TAFA3: variants seen among roughly 807,000 people sequenced by gnomAD.
TAFA3 encodes the protein chemokine-like protein TAFA-3.
In TAFA3, 17 loss-of-function variants were observed where a neutral mutation model predicts 20.7. The observed-to-expected ratio is 0.82, with a 90% CI of 0.56 to 1.23. TAFA3 has a LOEUF of 1.23. TAFA3 is among the 50% of genes most tolerant of loss of function. The pLI is 0.00. For synonymous variants in TAFA3, 74 were observed against 71.8 expected (o/e 1.03, Z -0.16); for missense variants, 174 against 172.8 (o/e 1.01, Z -0.04).
intron 5 of TAFA3, among the ~76,000 whole-genome samples, chr1:112,726,127 A>G (rs1675465339): frequency 6.6e-6 from 1 of 151,964 alleles, no homozygotes; most frequent in Non-Finnish European, 1.5e-5. Flanking sequence ...ACAGAGTGAG[A>G]CTCCATCTCA....
intron 5 of TAFA3, among the ~76,000 whole-genome samples, chr1:112,725,656 A>G (rs552196500): frequency 2.0e-5 from 3 of 151,892 alleles, no homozygotes; most frequent in Non-Finnish European, 4.4e-5. Context: ...TGCCTGCTCC[A>G]CAGAACAAGG....
At chr1:112,722,925 G>A in intron 3 of TAFA3, 91 bp from the exon 4 acceptor site, 2 of 1,474,138 alleles carry the variant, frequency 1.4e-6, no homozygotes, top group Non-Finnish European at 1.8e-6. Flanking sequence ...CCTCCCTGCA[G>A]CAGGGAGGAG....
intron 5 of TAFA3, among the ~76,000 whole-genome samples, chr1:112,725,648 C>T (rs1675453152): frequency 6.6e-6 from 1 of 151,928 alleles, no homozygotes; most frequent in African/African-American, 2.4e-5. Context: ...TGGTTTGCTG[C>T]CTGCTCCACA....
intron 2 of TAFA3, among the ~76,000 whole-genome samples, chr1:112,721,397 C>G (rs1057514240): frequency 2.6e-5 from 4 of 152,246 alleles, no homozygotes; most frequent in African/African-American, 4.8e-5. Context: ...AGTCATAGAT[C>G]ACTGCAGCCT....
At position 112,726,972 on chromosome 1, in the gene TAFA3, G is replaced by T. The variant is rs1354189786; in HGVS notation, c.*332G>T. ...CTTGATACCAGACTGCGGCTTCTGG[G>T]CCACATGCTATGGCATGATGGGGGT... On this transcript the variant is annotated 3_prime_UTR_variant, in exon 6 of 6. Transcript: ENST00000361886. 2.1e-5 allele frequency: 7 copies of T among 332,832 alleles called. No homozygotes were observed. Among genetic ancestry groups the T allele is most frequent in the Non-Finnish European group, 3.9e-5 (7 of 178,786 alleles). 20.6% of individuals were successfully genotyped at this position (332,832 alleles called of 1,614,324 possible).
In TAFA3 at chr1:112,725,402, A is replaced by AAC. The variant is rs1553192299; in HGVS notation, c.391-1226_391-1225insCA. ...AAATAAAAGTTGAAATATTAAAAAAAAAAAAAAAAAAAACATAGTCGAGAA... is the reference window on the plus strand; with the variant it reads ...AAATAAAAGTTGAAATATTAAAAAAAACAAAAAAAAAAAAACATAGTCGAGAA... On this transcript the variant is annotated intron_variant, in intron 5 of 5. Transcript: ENST00000361886. 7.0e-3 allele frequency among the ~76,000 whole-genome samples: 850 copies of AAC among 120,960 alleles called. 8 individuals carry two copies. The highest frequency in any genetic ancestry group is 0.025 in the African/African-American group (803 of 31,890). The allele number at this position is 120,960 out of a possible 152,430, so 79.4% of individuals were successfully genotyped here.
rs550588199 is a variant in TAFA3 at position 112,721,682 on chromosome 1, A to G, written c.-1-551A>G. Among the ~76,000 whole-genome samples the G allele has an allele frequency of 9.3e-4, 142 of 152,286 alleles. 1 individual carries two copies. The highest frequency in any genetic ancestry group is 3.4e-3 in the African/African-American group (140 of 41,556). ...TTTTCCCCCTTAACAGTGGATTATCACTGGAGATCACTGCATGTGTCAGGA... is the reference window on the plus strand; with the variant it reads ...TTTTCCCCCTTAACAGTGGATTATCGCTGGAGATCACTGCATGTGTCAGGA... On this transcript the variant is annotated intron_variant, in intron 2 of 5. Coordinates refer to ENST00000361886, the MANE Select transcript of TAFA3 (RefSeq NM_182759.3).
At chr1:112,719,975 G>T (rs908991457) in intron 1 of TAFA3, among the ~76,000 whole-genome samples, 3 of 152,210 alleles carry the variant, frequency 2.0e-5, no homozygotes, top group African/African-American at 7.2e-5. Context: ...CCTTTAGAGA[G>T]GTGAGGGAAG....
intron 5 of TAFA3, 35 bp downstream of exon 5, chr1:112,724,172 T>C: frequency 6.6e-7 from 1 of 1,523,396 alleles, no homozygotes; most frequent in Non-Finnish European, 8.9e-7. Flanking sequence ...CACCCTCCCC[T>C]TCCCTCTCTA....
At chr1:112,723,891 G>C (rs1249338584) in intron 4 of TAFA3, 122 bp from the exon 5 acceptor site, 6 of 1,598,646 alleles carry the variant, frequency 3.8e-6, no homozygotes, top group African/African-American at 1.3e-5. Flanking sequence ...GAAAGACAAG[G>C]GAAATGCATG....
Position 112,726,652 on chromosome 1 carries a change from C to T in TAFA3, c.*12C>T. The T allele has an allele frequency of 1.9e-6, 3 of 1,613,796 alleles. No homozygotes were observed. Among genetic ancestry groups the T allele is most frequent in the Non-Finnish European group, 2.5e-6 (3 of 1,179,868 alleles). On this transcript the variant is annotated 3_prime_UTR_variant, in exon 6 of 6. Coordinates refer to ENST00000361886, the MANE Select transcript of TAFA3 (RefSeq NM_182759.3). ...AGGTCACACGATAGCTCTTGGGGGT[C>T]ACGGCCTGGACAAGAAAGGCTTGAC...
chr1:112,721,575 A>C (rs1236467208), intron 2 of TAFA3, among the ~76,000 whole-genome samples: 1 of 152,172 alleles, frequency 6.6e-6, no homozygotes, highest in Admixed American at 6.5e-5. Flanking sequence ...TGGCCTCCCA[A>C]AGTGCTGGAA....
Position 112,722,957 on chromosome 1 carries a change from G to A in TAFA3, c.116-59G>A, listed in dbSNP as rs1675364216. 3.2e-6 allele frequency: 5 copies of A among 1,547,366 alleles called. No individual in the cohort carries two copies. In the South Asian group the frequency reaches 6.3e-5, roughly 19 times the overall value. On this transcript the variant is annotated intron_variant, in intron 3 of 5. Coordinates refer to ENST00000361886, the MANE Select transcript of TAFA3 (RefSeq NM_182759.3). ...GGAGGGGCTGGAGGCCAGCCCGGGTGGGCGGGAGGGAGCGGGGTCGGGCGT... is the reference window on the plus strand; with the variant it reads ...GGAGGGGCTGGAGGCCAGCCCGGGTAGGCGGGAGGGAGCGGGGTCGGGCGT...
At chr1:112,726,576 G>T (rs1488604679) in intron 5 of TAFA3, 53 bp from the exon 6 acceptor site, 1 of 1,591,590 alleles carries the variant, frequency 6.3e-7, no homozygotes, top group Non-Finnish European at 8.6e-7. Context: ...CTGGCATGCT[G>T]GAATGGAATA....
In TAFA3 at chr1:112,726,771, C is replaced by A; in HGVS notation, c.*131C>A. 1 of 1,428,482 alleles carries A rather than the reference C, an allele frequency of 7.0e-7. No homozygotes were observed. The highest frequency in any genetic ancestry group is 9.8e-7 in the Non-Finnish European group (1 of 1,019,664). 88.5% of individuals were successfully genotyped at this position (1,428,482 alleles called of 1,614,324 possible). A position where few individuals can be genotyped will look rare whatever the true frequency, so the allele number is the denominator to read the frequency against. On this transcript the variant is annotated 3_prime_UTR_variant, in exon 6 of 6. Transcript: ENST00000361886. ...ATGTCAAATGCAGCATCAGTCTTTCCGGGGCATTTCAGTTAAGCTGCTCAG... is the reference window on the plus strand; with the variant it reads ...ATGTCAAATGCAGCATCAGTCTTTCAGGGGCATTTCAGTTAAGCTGCTCAG...
intron 4 of TAFA3, 144 bp from the exon 5 acceptor site, chr1:112,723,869 C>A: frequency 6.4e-7 from 1 of 1,552,140 alleles, no homozygotes; most frequent in Non-Finnish European, 8.8e-7. Context: ...CTCTGGGCAG[C>A]CTGGAGTAGG....
chr1:112,724,309 G>A (rs532637419), intron 5 of TAFA3, among the ~76,000 whole-genome samples, 172 bp downstream of exon 5: 11 of 152,144 alleles, frequency 7.2e-5, no homozygotes, highest in Non-Finnish European at 1.6e-4. Flanking sequence ...ACTGGAGTTA[G>A]GGGGGTCAGG....
rs756003344 is a variant in TAFA3, at chr1:112,726,655, G to T, written c.*15G>T. 3 of 1,613,740 alleles carry T rather than the reference G, an allele frequency of 1.9e-6. No individual in the cohort carries two copies. Among genetic ancestry groups the T allele is most frequent in the Non-Finnish European group, 2.5e-6 (3 of 1,179,850 alleles). On this transcript the variant is annotated 3_prime_UTR_variant, in exon 6 of 6. Coordinates refer to ENST00000361886, the MANE Select transcript of TAFA3 (RefSeq NM_182759.3). ...TCACACGATAGCTCTTGGGGGTCAC[G>T]GCCTGGACAAGAAAGGCTTGACTGA...
intron 5 of TAFA3, 130 bp from the exon 6 acceptor site, chr1:112,726,499 G>C: frequency 1.1e-6 from 1 of 903,814 alleles, no homozygotes; most frequent in Non-Finnish European, 1.7e-6. Context: ...TTCCCATTCC[G>C]GCCTGCTTTA....
Sources: gnomAD v4.1 joint callset for allele counts (sites outside exome capture counted in the v4.1 genomes callset) on GRCh38, gnomAD v4.1.1 for gene constraint, MANE v1.5 for transcripts, NCBI Gene and HGNC (gene_info 2026-07-23, HGNC 2026-07-21) for gene names.